The following TTC6 variants were observed in gnomAD, a reference collection of about 807,000 sequenced individuals.
TTC6 encodes the protein tetratricopeptide repeat domain 6.
In TTC6, 172 loss-of-function variants were observed where a neutral mutation model predicts 210.4. The observed-to-expected ratio is 0.82, with a 90% CI of 0.72 to 0.93. The LOEUF is 0.93. Among genes scored for constraint, TTC6 ranks in the 40% least tolerant of loss-of-function variants. The pLI, the probability that TTC6 is intolerant of heterozygous loss-of-function variation, is 0.00. For synonymous variants in TTC6, 804 were observed against 819.6 expected (o/e 0.98, Z 0.32); for missense variants, 2,414 against 2,318.1 (o/e 1.04, Z -0.85).
At chr14:37,804,913 C>A in intron 21 of TTC6, 99 bp downstream of exon 23, 1 of 1,305,712 alleles carries the variant, frequency 7.7e-7, no homozygotes, top group Non-Finnish European at 1.1e-6. Flanking sequence ...AGTGGGCAAC[C>A]GGTCCAAAGC....
At chr14:37,822,482 T>C (rs1408573696) in intron 26 of TTC6, among the ~76,000 whole-genome samples, 1 of 152,188 alleles carries the variant, frequency 6.6e-6, no homozygotes, top group Non-Finnish European at 1.5e-5. Context: ...TACTAAAATT[T>C]GAAACCTGTT....
intron 14 of TTC6, among the ~76,000 whole-genome samples, chr14:37,756,172 A>G (rs1185339121): frequency 2.0e-5 from 3 of 152,174 alleles, no homozygotes; most frequent in Non-Finnish European, 4.4e-5. Flanking sequence ...GGTGTATAGG[A>G]ATGCTTGTGA....
At chr14:37,732,473 A>G (rs192688693) in intron 7 of TTC6, among the ~76,000 whole-genome samples, 150 of 151,002 alleles carry the variant, frequency 9.9e-4, no homozygotes, top group African/African-American at 1.4e-3. Flanking sequence ...GTGAGCCACC[A>G]CGCCCGGCCT....
At chr14:37,811,692 T>C (rs920929715) in intron 24 of TTC6, among the ~76,000 whole-genome samples, 1 of 152,134 alleles carries the variant, frequency 6.6e-6, no homozygotes, top group Admixed American at 6.5e-5. Context: ...TGGAGAAGGG[T>C]CTGAGTTGAT....
At chr14:37,814,617 T>G (rs1163751004) in intron 25 of TTC6, among the ~76,000 whole-genome samples, 1 of 152,116 alleles carries the variant, frequency 6.6e-6, no homozygotes, top group African/African-American at 2.4e-5. Context: ...TTTGTAAAAG[T>G]GCCAACTATA....
chr14:37,606,929 C>T (rs1566835104), intron 2 of TTC6, among the ~76,000 whole-genome samples, 187 bp downstream of exon 2: 1 of 152,228 alleles, frequency 6.6e-6, no homozygotes, highest in Middle Eastern at 3.2e-3. Flanking sequence ...ATTTGCATTA[C>T]ATTTGCCATT....
rs150392804 is a variant in TTC6, at chr14:37,805,908, G to A, written c.4165-453G>A. Among the ~76,000 whole-genome samples, 168 of 152,174 alleles carry A rather than the reference G, an allele frequency of 1.1e-3. 1 individual carries two copies. The highest frequency in any genetic ancestry group is 4.0e-3 in the African/African-American group (165 of 41,516). ...GTAGAGATGGAGTTTCACCATGTTG[G>A]CCAGGATGGTCTTCATCTTTTCACC... On this transcript the variant is annotated intron_variant, in intron 21 of 30. Transcript: ENST00000553443.
At chr14:37,769,771 T>G (rs1029370899) in intron 14 of TTC6, among the ~76,000 whole-genome samples, 2 of 152,104 alleles carry the variant, frequency 1.3e-5, no homozygotes, top group African/African-American at 4.8e-5. Context: ...ATTCATTAAT[T>G]TTTTGAATGG....
At chr14:37,838,576 C>T (rs1209547630) in intron 29 of TTC6, among the ~76,000 whole-genome samples, 1 of 152,116 alleles carries the variant, frequency 6.6e-6, no homozygotes, top group Non-Finnish European at 1.5e-5. Flanking sequence ...TTTTATCTCT[C>T]TTTGTATGTC....
rs1377711937 is a variant in TTC6, at chr14:37,738,756, C to T, written c.1984-20C>T. On this transcript the variant is annotated intron_variant, in intron 9 of 30. Transcript: ENST00000553443. ...TAAATTGATTTTACGTTTTTTCTAC[C>T]TCTTTGCTTGCTTACTAAGCGAGTA... 4 of 1,430,354 alleles carry T rather than the reference C, an allele frequency of 2.8e-6. No homozygotes were observed. Among genetic ancestry groups the T allele is most frequent in the Non-Finnish European group, 2.7e-6 (3 of 1,098,092 alleles). 88.6% of individuals were successfully genotyped at this position (1,430,354 alleles called of 1,614,324 possible).
chr14:37,741,161 T>C (rs10141356), intron 10 of TTC6, among the ~76,000 whole-genome samples: 36,735 of 151,988 alleles, frequency 0.24, 5,081 homozygotes, highest in Non-Finnish European at 0.3. Flanking sequence ...AAAAAAATCT[T>C]AATTCAAACT....
At chr14:37,779,549 AATTG>A (rs1317162514) in intron 14 of TTC6, among the ~76,000 whole-genome samples, 1 of 152,182 alleles carries the variant, frequency 6.6e-6, no homozygotes, top group Non-Finnish European at 1.5e-5. Flanking sequence ...CTTTTTAAAA[AATTG>A]ATTAAGTGTT....
At chr14:37,801,285 A>T (rs2096106002) in intron 20 of TTC6, among the ~76,000 whole-genome samples, 1 of 152,164 alleles carries the variant, frequency 6.6e-6, no homozygotes, top group Non-Finnish European at 1.5e-5. Flanking sequence ...GCTTTAAATG[A>T]TGAAATTTTA....
At chr14:37,664,732 A>C (rs2095744386) in intron 1 of TTC6, among the ~76,000 whole-genome samples, 1 of 150,764 alleles carries the variant, frequency 6.6e-6, no homozygotes, top group South Asian at 2.1e-4. Context: ...AAATTGGGGA[A>C]AATTTTTGCA....
At chr14:37,698,350 G>T (rs193092278) in intron 4 of TTC6, among the ~76,000 whole-genome samples, 1 of 152,236 alleles carries the variant, frequency 6.6e-6, no homozygotes, top group East Asian at 1.9e-4. Context: ...ACTATAATGG[G>T]TGCATGGGAA....
chr14:37,672,912 T>TTGAAACCCAATAATGTTATGA (rs2095761285), intron 1 of TTC6, among the ~76,000 whole-genome samples: 1 of 151,830 alleles, frequency 6.6e-6, no homozygotes, highest in South Asian at 2.1e-4. Context: ...TAGAATTTAC[T>TTGAAACCCAATAATGTTATGA]TGAAACCCAA....
intron 1 of TTC6, among the ~76,000 whole-genome samples, chr14:37,632,740 T>C (rs1035651601): frequency 3.9e-5 from 6 of 152,210 alleles, no homozygotes; most frequent in Admixed American, 2.6e-4. Context: ...CACCAGGTGC[T>C]CTGTCCCAGA....
chr14:37,726,403 C>T (rs1393341513), intron 7 of TTC6, among the ~76,000 whole-genome samples: 1 of 152,042 alleles, frequency 6.6e-6, no homozygotes, highest in Non-Finnish European at 1.5e-5. Context: ...CATATTTAAC[C>T]TGTTGATACT....
intron 1 of TTC6, among the ~76,000 whole-genome samples, chr14:37,649,636 A>T (rs2139414593): frequency 6.6e-6 from 1 of 152,342 alleles, no homozygotes; most frequent in South Asian, 2.1e-4. Flanking sequence ...GCTCTGCGGT[A>T]GTGCCTTTTA....
Sources: allele counts gnomAD v4.1 joint callset (sites outside exome capture counted in the v4.1 genomes callset), GRCh38; gene constraint gnomAD v4.1.1; transcripts MANE v1.5; gene names NCBI Gene and HGNC (gene_info 2026-07-23, HGNC 2026-07-21).